CNOT1: variants seen among roughly 807,000 people sequenced by gnomAD.
CNOT1 encodes the protein CCR4-NOT transcription complex subunit 1.
Under a neutral mutation model 273.8 loss-of-function variants are expected in CNOT1, and 15 were observed. The observed-to-expected ratio is 0.05, with a 90% confidence interval of 0.04 to 0.08. The LOEUF is 0.08. Among genes scored for constraint, CNOT1 ranks in the 10% least tolerant of loss-of-function variants. The pLI is 1.00. For synonymous variants in CNOT1, 1,022 were observed against 1,005.5 expected (o/e 1.02, Z -0.31); for missense variants, 1,644 against 2,912.2 (o/e 0.56, Z 10.02).
chr16:58,537,369 T>TA (rs1476957203), intron 38 of CNOT1, 149 bp from the exon 39 acceptor site: 142 of 1,224,108 alleles, frequency 1.2e-4, no homozygotes, highest in Non-Finnish European at 1.4e-4. Context: ...AAACTATACT[T>TA]AGTCTCTTAT....
chr16:58,542,383 TAAATTAAAA>T, intron 32 of CNOT1, 36 bp downstream of exon 32: 1 of 1,612,920 alleles, frequency 6.2e-7, no homozygotes, highest in Non-Finnish European at 8.5e-7. Context: ...GGCACTTCCC[TAAATTAAAA>T]AAGAAAATCT....
At chr16:58,551,355 T>C in intron 23 of CNOT1, 83 bp from the exon 24 acceptor site, 3 of 1,388,982 alleles carry the variant, frequency 2.2e-6, no homozygotes, top group Non-Finnish European at 2.9e-6. Context: ...ACAGATTTAG[T>C]GTTAAAAAAT....
chr16:58,551,080 T>C, intron 24 of CNOT1, 52 bp downstream of exon 24: 1 of 1,595,348 alleles, frequency 6.3e-7, no homozygotes, highest in Non-Finnish European at 8.5e-7. Flanking sequence ...ATACATCCTT[T>C]AGTCCATTAA....
chr16:58,628,913 G>A (rs58989807), intron 1 of CNOT1, among the ~76,000 whole-genome samples: 35,190 of 152,124 alleles, frequency 0.23, 4,456 homozygotes, highest in African/African-American at 0.34. Flanking sequence ...TTTGTGTTTG[G>A]CCTTAAGTAC....
In CNOT1 at chr16:58,545,455, G is replaced by A. The variant is rs2040228491; in HGVS notation, c.4043C>T (p.Thr1348Ile). 1.9e-6 allele frequency: 3 copies of A among 1,614,118 alleles called. No homozygotes were observed. Among genetic ancestry groups the A allele is most frequent in the South Asian group, 1.1e-5 (1 of 91,082 alleles). ...STTPATNTTC[T>I]ATVPPQPQYS... Reference sequence around the variant, plus strand: ...CTGTGGCTGTGGTGGAACCGTGGCTGTACAAGTGGTGTTGGTAGCTGGTGT... The same window carrying A: ...CTGTGGCTGTGGTGGAACCGTGGCTATACAAGTGGTGTTGGTAGCTGGTGT... The change falls in exon 30 of 49, where the codon ACA (threonine) becomes ATA (isoleucine). Residue 1348 changes from threonine to isoleucine, a missense_variant. By Grantham distance (89) the Thr-to-Ile change is moderately conservative. Around this residue, in one of 13 missense-constraint regions of CNOT1, gnomAD observed 52 missense variants for 50.2 expected, o/e 1.04. Transcript: ENST00000317147.
intron 40 of CNOT1, 194 bp from the exon 41 acceptor site, chr16:58,532,589 G>T: frequency 1.0e-6 from 1 of 957,134 alleles, no homozygotes; most frequent in Non-Finnish European, 1.5e-6. Flanking sequence ...TGTTTTGTGT[G>T]TTTCTTTGCA....
chr16:58,555,587 A>C (rs375842931), intron 20 of CNOT1, 50 bp from the exon 21 acceptor site: 111 of 1,575,926 alleles, frequency 7.0e-5, no homozygotes, highest in Non-Finnish European at 8.7e-5. Context: ...ACAATTACTA[A>C]GAGCCTTTCT....
At chr16:58,603,591 T>TC (rs1217735155) in intron 1 of CNOT1, among the ~76,000 whole-genome samples, 2 of 152,066 alleles carry the variant, frequency 1.3e-5, no homozygotes, top group East Asian at 3.9e-4. Context: ...CTGATACTCT[T>TC]CCAGCTTCCT....
At chr16:58,572,055 G>A (rs761489944) in intron 16 of CNOT1, among the ~76,000 whole-genome samples, 14 of 152,158 alleles carry the variant, frequency 9.2e-5, no homozygotes, top group African/African-American at 2.4e-4. Context: ...ACGCCAAGGC[G>A]GGCGGATCAC....
At chr16:58,542,714 T>C (rs1368675751) in intron 31 of CNOT1, 146 bp from the exon 32 acceptor site, 1 of 1,275,128 alleles carries the variant, frequency 7.8e-7, no homozygotes, top group South Asian at 1.6e-5. Flanking sequence ...AGCTGTGATC[T>C]TGAAACAGTC....
intron 1 of CNOT1, among the ~76,000 whole-genome samples, chr16:58,625,838 T>C (rs530764817): frequency 8.5e-5 from 12 of 141,396 alleles, no homozygotes; most frequent in East Asian, 2.1e-4. Flanking sequence ...AGCCTAGGCA[T>C]TGAAGTGAAA....
intron 9 of CNOT1, 58 bp from the exon 10 acceptor site, chr16:58,582,961 T>G (rs2041705787): frequency 1.9e-6 from 3 of 1,611,604 alleles, no homozygotes; most frequent in Admixed American, 1.7e-5. Context: ...TCACTTCTGG[T>G]CGATAGAACA....
At chr16:58,605,039 G>A (rs575885496) in intron 1 of CNOT1, among the ~76,000 whole-genome samples, 29 of 152,226 alleles carry the variant, frequency 1.9e-4, no homozygotes, top group Non-Finnish European at 3.7e-4. Flanking sequence ...GGGAGGCTGA[G>A]GCAGGAGAAT....
At chr16:58,621,944 C>T (rs981942484) in intron 1 of CNOT1, among the ~76,000 whole-genome samples, 11 of 143,134 alleles carry the variant, frequency 7.7e-5, no homozygotes, top group Non-Finnish European at 1.5e-4. Context: ...AGAAGATACA[C>T]CACCAAGAGT....
At chr16:58,598,609 C>T (rs1308183532) in intron 2 of CNOT1, among the ~76,000 whole-genome samples, 1 of 150,268 alleles carries the variant, frequency 6.7e-6, no homozygotes, top group Non-Finnish European at 1.5e-5. Context: ...CACCACTGCA[C>T]ACGAGCCTGG....
chr16:58,547,066 A>G lies in CNOT1; in HGVS notation c.3750+120T>C, dbSNP rs2040280755. ...CAAATTGGAAATCCAAGTGCCATAGAGGAAAACAGACTTAACTAGCTTTAC... is the reference window on the plus strand; with the variant it reads ...CAAATTGGAAATCCAAGTGCCATAGGGGAAAACAGACTTAACTAGCTTTAC... On this transcript the variant is annotated intron_variant, in intron 27 of 48. Transcript: ENST00000317147. The surrounding 1 kb of genome is among the most constrained non-coding windows in gnomAD (Gnocchi z 4.0). 1 of 1,355,086 alleles carries G rather than the reference A, an allele frequency of 7.4e-7. No individual in the cohort carries two copies. The highest frequency in any genetic ancestry group is 1.5e-5 in the African/African-American group (1 of 67,976). The allele number at this position is 1,355,086 out of a possible 1,614,324, so 83.9% of individuals were successfully genotyped here. A position where few individuals can be genotyped will look rare whatever the true frequency, so the allele number is the denominator to read the frequency against.
chr16:58,532,571 G>T, intron 40 of CNOT1, 176 bp from the exon 41 acceptor site: 1 of 1,113,222 alleles, frequency 9.0e-7, no homozygotes, highest in Non-Finnish European at 1.2e-6. Flanking sequence ...GTCTGACTCC[G>T]CCTTCAGTGT....
intron 25 of CNOT1, chr16:58,548,530 G>A (rs771101455): frequency 6.2e-5 from 32 of 519,020 alleles, no homozygotes; most frequent in South Asian, 4.2e-4. Flanking sequence ...AGCAACAGCA[G>A]AATGGCACAA....
chr16:58,525,516 G>A, intron 45 of CNOT1, 157 bp from the exon 46 acceptor site: 1 of 646,136 alleles, frequency 1.5e-6, no homozygotes, highest in Non-Finnish European at 2.6e-6. Context: ...CAAACACACA[G>A]ATGCTCCAAA....
Sources: gnomAD v4.1 joint callset for allele counts (sites outside exome capture counted in the v4.1 genomes callset) on GRCh38, gnomAD v4.1.1 for gene constraint, gnomAD v4.1.1 regional missense constraint, Gnocchi (gnomAD v3.1) non-coding constraint, MANE v1.5 for transcripts, NCBI Gene and HGNC (gene_info 2026-07-23, HGNC 2026-07-21) for gene names.